The following TRMT44 variants were observed in gnomAD, a reference collection of about 807,000 sequenced individuals.
TRMT44 encodes probable tRNA (uracil-O(2)-)-methyltransferase.
A neutral mutation model predicts 77.3 loss-of-function variants in TRMT44; 78 were observed. The ratio of observed to expected loss-of-function variants is 1.01; its 90% CI spans 0.84 to 1.22. The LOEUF (loss-of-function observed/expected upper bound fraction) is 1.22. Ranked by LOEUF, TRMT44 falls within the 50% of genes most tolerant of loss-of-function variation. The pLI is 0.00. For missense variants in TRMT44, 1,090 were observed against 964.4 expected (o/e 1.13, Z -1.73); for synonymous variants, 391 against 383.3 (o/e 1.02, Z -0.23).
At chr4:8,483,071 G>A (rs975945651) in intron 2 of TRMT44, among the ~76,000 whole-genome samples, 2 of 152,066 alleles carry the variant, frequency 1.3e-5, no homozygotes, top group Non-Finnish European at 2.9e-5. Flanking sequence ...TTGTTGTGTA[G>A]AATTATTGGT....
intron 2 of TRMT44, among the ~76,000 whole-genome samples, chr4:8,488,940 A>G (rs1195548965): frequency 1.3e-5 from 2 of 152,206 alleles, no homozygotes; most frequent in Non-Finnish European, 2.9e-5. Context: ...TAAGAGGAGG[A>G]TGTGTGGGAG....
At chr4:8,480,152 C>A (rs1026431492), downstream of TRMT44, among the ~76,000 whole-genome samples, 1 of 152,092 alleles carries the variant, frequency 6.6e-6, no homozygotes, top group Non-Finnish European at 1.5e-5. Context: ...TCAACTCTTG[C>A]CTCCTTGGAA....
rs749645622 is a variant in TRMT44, at chr4:8,451,846, A to G, written c.955-114A>G. ...TCCTGCCTTTGAGCTTATGTTTCCTATTTTAGTGTACGATTAGTCCAGTTT... is the reference window on the plus strand; with the variant it reads ...TCCTGCCTTTGAGCTTATGTTTCCTGTTTTAGTGTACGATTAGTCCAGTTT... On this transcript the variant is annotated intron_variant, in intron 3 of 10. Transcript: ENST00000389737. This position sits in a 1 kb window ranked among gnomAD's most constrained non-coding sequence, Gnocchi z 4.1. 8 of 910,486 alleles carry G rather than the reference A, an allele frequency of 8.8e-6. No homozygotes were observed. In the Admixed American group the frequency reaches 1.1e-4, roughly 12 times the overall value. 56.4% of individuals were successfully genotyped at this position (910,486 alleles called of 1,614,324 possible). A position where few individuals can be genotyped will look rare whatever the true frequency, so the allele number is the denominator to read the frequency against.
rs1018004139 is a variant in TRMT44 at position 8,461,635 on chromosome 4, C to T, written c.1204-2350C>T. 6.6e-6 allele frequency among the ~76,000 whole-genome samples: 1 copy of T among 152,110 alleles called. No homozygotes were observed. ...CCTGGGGAAGACCCTACCCCGAGCA[C>T]TTAGTCAGGAAAGGCCTGCTGTTGA... On this transcript the variant is annotated intron_variant, in intron 6 of 10. Transcript: ENST00000389737. The surrounding 1 kb of genome is among the most constrained non-coding windows in gnomAD (Gnocchi z 4.6).
At chr4:8,480,476 T>C (rs1727580303), downstream of TRMT44, among the ~76,000 whole-genome samples, 1 of 152,200 alleles carries the variant, frequency 6.6e-6, no homozygotes, top group African/African-American at 2.4e-5. Context: ...TGTATGTATG[T>C]TTGCCTGAGG....
chr4:8,500,862 A>G, the TRMT44 span, among the ~76,000 whole-genome samples: 62 of 152,150 alleles, frequency 4.1e-4, no homozygotes, highest in Non-Finnish European at 3.1e-4. Context: ...AGGTTTCACC[A>G]TGTTGACCAG....
the TRMT44 span, among the ~76,000 whole-genome samples, chr4:8,503,714 G>C: frequency 6.6e-6 from 1 of 152,330 alleles, no homozygotes; most frequent in African/African-American, 2.4e-5. Flanking sequence ...CAGAATTCCC[G>C]TCCAGAAGCT....
At chr4:8,449,045 G>A (rs1214176360) in intron 2 of TRMT44, among the ~76,000 whole-genome samples, 2 of 152,176 alleles carry the variant, frequency 1.3e-5, no homozygotes, top group East Asian at 1.9e-4. Context: ...TATCTGTCCC[G>A]CCAGTCCTCC....
chr4:8,441,246 C>T lies in TRMT44; in HGVS notation c.424C>T (p.Leu142=), dbSNP rs1361624595. 12 of 1,535,640 alleles carry T rather than the reference C, an allele frequency of 7.8e-6. No homozygotes were observed. Among genetic ancestry groups the T allele is most frequent in the Non-Finnish European group, 1.0e-5 (12 of 1,146,628 alleles). The change falls in exon 1 of 11, where the codon CTG becomes TTG. Residue 142 remains leucine (L), a synonymous_variant. Transcript: ENST00000389737. ...GGAGGGCGACTTCCCCGCCGCAGAT[C>T]TGGATTCGCTTTGGGAGGATTTCTC... ...GREGDFPAAD[L]DSLWEDFSQS...
At position 8,464,015 on chromosome 4, in the gene TRMT44, C is replaced by G; in HGVS notation, c.1234C>G (p.Leu412Val). The change falls in exon 7 of 11, where the codon CTT becomes GTT. Residue 412 changes from leucine (L) to valine (V), a missense_variant. Coordinates refer to ENST00000389737, the MANE Select transcript of TRMT44 (RefSeq NM_152544.3). ...EDAITPNDKT[L>V]FPDVDWLIGN... ...TGCAATCACACCCAATGATAAGACC[C>G]TTTTCCCTGATGTTGATTGGTTAAT... The G allele has an allele frequency of 1.2e-6, 2 of 1,614,112 alleles. No individual in the cohort carries two copies. Among genetic ancestry groups the G allele is most frequent in the South Asian group, 2.2e-5 (2 of 91,064 alleles).
rs1004296795 is a variant in TRMT44, at chr4:8,492,482, C to T, written n.3892-784C>T. Among the ~76,000 whole-genome samples, 12 of 152,274 alleles carry T rather than the reference C, an allele frequency of 7.9e-5. No homozygotes were observed. The East Asian group carries it at 1.5e-3, about 20-fold the overall frequency. Reference sequence around the variant, plus strand: ...TCTCCAAGCTGTCCTTGTTCATCCCCGGGCGTAGGCTCAACCTACTTTGGG... The same window carrying T: ...TCTCCAAGCTGTCCTTGTTCATCCCTGGGCGTAGGCTCAACCTACTTTGGG... On this transcript the variant is annotated intron_variant and non_coding_transcript_variant, in intron 2 of 2. Coordinates refer to the TRMT44 transcript ENST00000511366.
the TRMT44 span, among the ~76,000 whole-genome samples, chr4:8,515,192 C>G: frequency 1.6e-4 from 24 of 152,278 alleles, no homozygotes; most frequent in East Asian, 2.3e-3. Context: ...GTCTCGAAAT[C>G]CTGAGCTCAA....
chr4:8,472,712 G>A (rs1034227209), intron 10 of TRMT44, among the ~76,000 whole-genome samples: 1 of 152,182 alleles, frequency 6.6e-6, no homozygotes, highest in African/African-American at 2.4e-5. Flanking sequence ...TGTGTTTCTC[G>A]GGGCAGGCGC....
chr4:8,460,484 A>G (rs1726073683), intron 6 of TRMT44, among the ~76,000 whole-genome samples: 1 of 152,216 alleles, frequency 6.6e-6, no homozygotes, highest in Admixed American at 6.5e-5. Flanking sequence ...AATCTCAGGC[A>G]TATCATTTCA....
At chr4:8,468,622 A>G (rs532190775) in intron 9 of TRMT44, 2 of 566,784 alleles carry the variant, frequency 3.5e-6, no homozygotes, top group Non-Finnish European at 6.2e-6. Flanking sequence ...GGCTAGAACT[A>G]CTCATTTTCA....
chr4:8,467,970 T>A lies in TRMT44; in HGVS notation c.1551T>A (p.Asp517Glu). Reference sequence around the variant, plus strand: ...CTTCCTCCAGAGAAGCTTCCGTGGATGAAAAGAGGACTCAGTACATTAAGA... The same window carrying A: ...CTTCCTCCAGAGAAGCTTCCGTGGAAGAAAAGAGGACTCAGTACATTAAGA... ...TYPSSREASV[D>E]EKRTQYIKSR... Residue 517 changes from aspartate (D) to glutamate (E), a missense_variant, in exon 9 of 11, where the codon GAT (aspartate) becomes GAA (glutamate). Physicochemically the swap from Asp to Glu is conservative, Grantham distance 45 (BLOSUM62 2). Coordinates refer to ENST00000389737, the MANE Select transcript of TRMT44 (RefSeq NM_152544.3). The A allele has an allele frequency of 6.2e-7, 1 of 1,613,978 alleles. No homozygotes were observed. Among genetic ancestry groups the A allele is most frequent in the Non-Finnish European group, 8.5e-7 (1 of 1,179,910 alleles).
chr4:8,472,316 G>C (rs914034074), intron 10 of TRMT44, among the ~76,000 whole-genome samples: 1 of 152,188 alleles, frequency 6.6e-6, no homozygotes, highest in African/African-American at 2.4e-5. Context: ...GCCAGGGTTG[G>C]GAGGAGTAAG....
intron 10 of TRMT44, among the ~76,000 whole-genome samples, chr4:8,471,653 C>A (rs1006385211): frequency 5.3e-5 from 8 of 152,246 alleles, no homozygotes; most frequent in Non-Finnish European, 1.0e-4. Context: ...GGCCTGGACT[C>A]CTGTGGCCCT....
At chr4:8,463,856 C>T in intron 6 of TRMT44, 129 bp from the exon 7 acceptor site, 2 of 728,844 alleles carry the variant, frequency 2.7e-6, no homozygotes, top group Non-Finnish European at 4.6e-6. Context: ...CGCTCTTGGT[C>T]ATGCAGCAGG....
Sources: allele counts gnomAD v4.1 joint callset (sites outside exome capture counted in the v4.1 genomes callset), GRCh38; gene constraint gnomAD v4.1.1; non-coding constraint Gnocchi (gnomAD v3.1); transcripts MANE v1.5; gene names NCBI Gene and HGNC (gene_info 2026-07-23, HGNC 2026-07-21).